PTPRG: variants seen among roughly 807,000 people sequenced by gnomAD.
PTPRG encodes receptor-type tyrosine-protein phosphatase gamma.
In PTPRG, 102 loss-of-function variants were observed where a neutral mutation model predicts 165.3. The ratio of observed to expected loss-of-function variants is 0.62; its 90% CI spans 0.53 to 0.73. The LOEUF (loss-of-function observed/expected upper bound fraction) is 0.73. Ranked by LOEUF, PTPRG falls within the 30% of genes least tolerant of loss-of-function variation. The pLI is 0.00. For synonymous variants in PTPRG, 675 were observed against 669.5 expected (o/e 1.01, Z -0.13); for missense variants, 1,866 against 1,861.4 (o/e 1.00, Z -0.05).
intron 1 of PTPRG, among the ~76,000 whole-genome samples, chr3:61,699,098 C>T (rs1331923302): frequency 1.3e-5 from 2 of 152,030 alleles, no homozygotes; most frequent in African/African-American, 4.8e-5. Context: ...TGCAGCACAG[C>T]AACATGGCAC....
chr3:61,765,715 A>T (rs2033996106), intron 2 of PTPRG, among the ~76,000 whole-genome samples: 1 of 152,178 alleles, frequency 6.6e-6, no homozygotes, highest in Non-Finnish European at 1.5e-5. Flanking sequence ...TTAATATTTG[A>T]TAAGGGTTAC....
chr3:61,657,167 A>G (rs1011221646), intron 1 of PTPRG, among the ~76,000 whole-genome samples: 7 of 152,096 alleles, frequency 4.6e-5, no homozygotes, highest in African/African-American at 1.7e-4. Flanking sequence ...CCGGTAATAA[A>G]CTGTGGGGGT....
intron 2 of PTPRG, among the ~76,000 whole-genome samples, chr3:61,960,371 CA>C (rs1253376289): frequency 6.6e-6 from 1 of 152,074 alleles, no homozygotes; most frequent in Non-Finnish European, 1.5e-5. Flanking sequence ...CCATCTGTAT[CA>C]GGGTGATAAA....
chr3:61,796,854 A>G (rs2035060591), intron 2 of PTPRG, among the ~76,000 whole-genome samples: 1 of 152,202 alleles, frequency 6.6e-6, no homozygotes, highest in African/African-American at 2.4e-5. Flanking sequence ...GCTTAACCCA[A>G]GACCTGGTGG....
At chr3:62,268,108 A>G (rs931006145) in intron 19 of PTPRG, among the ~76,000 whole-genome samples, 5 of 152,070 alleles carry the variant, frequency 3.3e-5, no homozygotes, top group Non-Finnish European at 7.4e-5. Context: ...CAAATACTTG[A>G]GACTTGAACA....
chr3:61,958,979 A>T (rs1383471758), intron 2 of PTPRG, among the ~76,000 whole-genome samples: 2 of 152,286 alleles, frequency 1.3e-5, no homozygotes, highest in East Asian at 3.9e-4. Flanking sequence ...CACTTCTGGG[A>T]AAGTCCTAGG....
chr3:61,562,449 G>A, intron 1 of PTPRG, 77 bp downstream of exon 1: 1 of 1,440,856 alleles, frequency 6.9e-7, no homozygotes. Context: ...TGGGCGCGGA[G>A]CTCCGGCGCC....
At chr3:61,897,249 C>T (rs2038382478) in intron 2 of PTPRG, among the ~76,000 whole-genome samples, 1 of 151,966 alleles carries the variant, frequency 6.6e-6, no homozygotes, top group South Asian at 2.1e-4. Flanking sequence ...ATAGATGATC[C>T]ATTTTGAGTT....
chr3:61,911,539 T>C (rs1175550694), intron 2 of PTPRG, among the ~76,000 whole-genome samples: 1 of 152,234 alleles, frequency 6.6e-6, no homozygotes, highest in African/African-American at 2.4e-5. Flanking sequence ...TACATATCTT[T>C]CTGTTAATAT....
At chr3:61,790,054 T>G (rs2107122625) in intron 2 of PTPRG, among the ~76,000 whole-genome samples, 1 of 152,222 alleles carries the variant, frequency 6.6e-6, no homozygotes, top group Middle Eastern at 3.4e-3. Context: ...CAGTGGGTGG[T>G]TTCTCCCTGT....
intron 1 of PTPRG, among the ~76,000 whole-genome samples, chr3:61,724,602 C>T (rs2032182817): frequency 6.6e-6 from 1 of 152,106 alleles, no homozygotes; most frequent in African/African-American, 2.4e-5. Context: ...TACACTCCCA[C>T]CAGCAATGCA....
chr3:62,009,791 G>A (rs1249149069), intron 4 of PTPRG, among the ~76,000 whole-genome samples: 1 of 152,130 alleles, frequency 6.6e-6, no homozygotes, highest in Non-Finnish European at 1.5e-5. Context: ...GCCTGTCTAG[G>A]GTTTGAGGCC....
intron 26 of PTPRG, among the ~76,000 whole-genome samples, chr3:62,279,774 T>C (rs1309066147): frequency 2.0e-5 from 3 of 152,112 alleles, no homozygotes; most frequent in South Asian, 2.1e-4. Flanking sequence ...TCATTGGACG[T>C]TGGCTCATTT....
At chr3:62,010,543 A>G (rs2041397094) in intron 4 of PTPRG, among the ~76,000 whole-genome samples, 1 of 151,810 alleles carries the variant, frequency 6.6e-6, no homozygotes. Flanking sequence ...TGTTTTTGAG[A>G]TGAAGTTTTC....
chr3:61,821,359 C>G (rs569510198), intron 2 of PTPRG, among the ~76,000 whole-genome samples: 2 of 151,994 alleles, frequency 1.3e-5, no homozygotes. Flanking sequence ...TTAGTAGAGA[C>G]GGGGTTTTAC....
At chr3:61,949,872 T>A (rs560875361) in intron 2 of PTPRG, among the ~76,000 whole-genome samples, 67 of 152,148 alleles carry the variant, frequency 4.4e-4, no homozygotes, top group Admixed American at 3.0e-3. Flanking sequence ...CTCAGCCTCC[T>A]GAGTAGTTGG....
intron 1 of PTPRG, among the ~76,000 whole-genome samples, chr3:61,566,265 A>G (rs1051358438): frequency 1.3e-5 from 2 of 152,224 alleles, no homozygotes; most frequent in African/African-American, 4.8e-5. Context: ...ATAAAAGATT[A>G]TGTTGTTGTT....
chr3:62,113,271 A>G (rs1702735078), intron 5 of PTPRG, among the ~76,000 whole-genome samples: 1 of 152,158 alleles, frequency 6.6e-6, no homozygotes, highest in African/African-American at 2.4e-5. Context: ...GCCACAGAGG[A>G]GTCCAGCTGT....
rs1371868755 is a variant in PTPRG, at chr3:62,222,115, C to T, written c.2288+3132C>T. Among the ~76,000 whole-genome samples, 2 of 152,350 alleles carry T rather than the reference C, an allele frequency of 1.3e-5. No homozygotes were observed. Among genetic ancestry groups the T allele is most frequent in the Non-Finnish European group, 2.9e-5 (2 of 68,040 alleles). On this transcript the variant is annotated intron_variant, in intron 13 of 29. Coordinates refer to ENST00000474889, the MANE Select transcript of PTPRG (RefSeq NM_002841.4). This position sits in a 1 kb window ranked among gnomAD's most constrained non-coding sequence, Gnocchi z 4.5. ...AGCCTGCTATGGGCCAAATAGTTGG[C>T]AATATCATCACCAGAACCCTTTTGT...
Sources: gnomAD v4.1 joint callset for allele counts (sites outside exome capture counted in the v4.1 genomes callset) on GRCh38, gnomAD v4.1.1 for gene constraint, Gnocchi (gnomAD v3.1) non-coding constraint, MANE v1.5 for transcripts, NCBI Gene and HGNC (gene_info 2026-07-23, HGNC 2026-07-21) for gene names.